The following GNB4 variants were observed in gnomAD, a reference collection of about 807,000 sequenced individuals.
GNB4 encodes G protein subunit beta 4.
In GNB4, 28 loss-of-function variants were observed where a neutral mutation model predicts 45.2. The observed-to-expected ratio is 0.62, with a 90% CI of 0.46 to 0.85. The LOEUF is 0.85. GNB4 is among the 40% of genes least tolerant of loss of function. The probability of loss-of-function intolerance (pLI) is 0.00; values close to 1 mark genes in which losing one functional copy is unlikely to be tolerated. For synonymous variants in GNB4, 132 were observed against 143.7 expected, an observed-to-expected ratio of 0.92 and a Z score of 0.58; for missense variants, 321 against 425.4, an observed-to-expected ratio of 0.75 and a Z score of 2.16.
the GNB4 span, among the ~76,000 whole-genome samples, chr3:179,521,141 C>T: frequency 1.1e-4 from 17 of 152,218 alleles, no homozygotes; most frequent in Admixed American, 1.1e-3. Flanking sequence ...TTGGTAGACA[C>T]AGGGTCTAAG....
chr3:179,430,645 T>C (rs184173520), intron 1 of GNB4, among the ~76,000 whole-genome samples: 2 of 140,884 alleles, frequency 1.4e-5, no homozygotes, highest in African/African-American at 2.7e-5. Context: ...TTTTGAGAAA[T>C]AGTGTCTTGC....
At chr3:179,524,864 G>T in the GNB4 span, among the ~76,000 whole-genome samples, 5 of 152,198 alleles carry the variant, frequency 3.3e-5, no homozygotes, top group East Asian at 1.9e-4. Flanking sequence ...TTGGGCAGGT[G>T]GGGGAGGGCT....
intron 8 of GNB4, among the ~76,000 whole-genome samples, chr3:179,410,171 T>G (rs1457348438): frequency 6.6e-6 from 1 of 152,222 alleles, no homozygotes; most frequent in East Asian, 1.9e-4. Flanking sequence ...CCTCTTCTCT[T>G]TATAAATTAC....
chr3:179,441,802 T>C (rs545972330), intron 1 of GNB4, among the ~76,000 whole-genome samples: 14 of 151,840 alleles, frequency 9.2e-5, no homozygotes, highest in Non-Finnish European at 1.5e-4. Context: ...GTCAACTCAC[T>C]GACTGAAACA....
chr3:179,465,157 C>A, the GNB4 span: 1 of 1,270,566 alleles, frequency 7.9e-7, no homozygotes, highest in Non-Finnish European at 1.1e-6. Flanking sequence ...AAGCAGCAGT[C>A]ACTGATATGG....
the GNB4 span, among the ~76,000 whole-genome samples, chr3:179,463,753 A>C: frequency 6.6e-6 from 1 of 152,226 alleles, no homozygotes; most frequent in Non-Finnish European, 1.5e-5. Flanking sequence ...AAATTGCTGG[A>C]GAATCAGGCA....
At chr3:179,519,089 G>T in the GNB4 span, among the ~76,000 whole-genome samples, 5 of 152,234 alleles carry the variant, frequency 3.3e-5, no homozygotes, top group Non-Finnish European at 7.4e-5. Flanking sequence ...CACCTAAACC[G>T]CAGTGGCCAG....
chr3:179,401,297 G>C lies in GNB4; in HGVS notation c.939C>G (p.Asn313Lys). ...DRAGVLAGHDNRVSCLGVTDD... is the reference protein window; with the variant it reads ...DRAGVLAGHDKRVSCLGVTDD... ...CAGTTACACCTAAGCAGCTCACACGGTTGTCATGACCAGCAAGGACACCTG... is the reference window on the plus strand; with the variant it reads ...CAGTTACACCTAAGCAGCTCACACGCTTGTCATGACCAGCAAGGACACCTG... Residue 313 changes from asparagine (N) to lysine (K), a missense_variant, in exon 10 of 10, where the codon AAC becomes AAG. Asn to Lys is a moderately conservative substitution (Grantham distance 94). Transcript: ENST00000232564. 1.2e-6 allele frequency: 2 copies of C among 1,612,034 alleles called. No homozygotes were observed. The highest frequency in any genetic ancestry group is 1.7e-6 in the Non-Finnish European group (2 of 1,179,056).
chr3:179,400,946 ACT>A lies in GNB4; in HGVS notation c.*265_*266del, dbSNP rs1714277981. On this transcript the variant is annotated 3_prime_UTR_variant, in exon 10 of 10. Transcript: ENST00000232564. ...ATTCTGTTCTACACAAAGAAAATAC[ACT>A]CTGAGTACACACAACAATTCACCAA... The A allele has an allele frequency of 6.4e-6, 2 of 314,944 alleles. No homozygotes were observed. Among genetic ancestry groups the A allele is most frequent in the South Asian group, 9.8e-5 (1 of 10,198 alleles). 19.5% of individuals were successfully genotyped at this position (314,944 alleles called of 1,614,324 possible).
intron 9 of GNB4, among the ~76,000 whole-genome samples, chr3:179,404,200 C>T (rs1057019957): frequency 6.6e-6 from 1 of 152,178 alleles, no homozygotes; most frequent in Non-Finnish European, 1.5e-5. Flanking sequence ...GGCTCAGCAG[C>T]AAATGACTTT....
At chr3:179,458,182 C>T in the GNB4 span, among the ~76,000 whole-genome samples, 10 of 152,146 alleles carry the variant, frequency 6.6e-5, no homozygotes, top group African/African-American at 1.9e-4. Flanking sequence ...GGATTACAGG[C>T]GTGAGCCACC....
At chr3:179,503,074 T>C in the GNB4 span, among the ~76,000 whole-genome samples, 2 of 152,220 alleles carry the variant, frequency 1.3e-5, no homozygotes, top group Admixed American at 1.3e-4. Context: ...CCTCAAGTGA[T>C]CCTCCCACCC....
chr3:179,440,599 A>AG (rs2108617238), intron 1 of GNB4, among the ~76,000 whole-genome samples: 1 of 152,288 alleles, frequency 6.6e-6, no homozygotes, highest in South Asian at 2.1e-4. Flanking sequence ...TTGACCAAGA[A>AG]GAAAAACAAG....
At chr3:179,419,545 A>G in intron 3 of GNB4, 40 bp from the exon 4 acceptor site, 2 of 1,204,082 alleles carry the variant, frequency 1.7e-6, no homozygotes, top group South Asian at 1.2e-5. Flanking sequence ...TACCTTAATC[A>G]TAGTTCATGA....
intron 1 of GNB4, among the ~76,000 whole-genome samples, chr3:179,439,130 G>A (rs566575815): frequency 6.6e-6 from 1 of 152,296 alleles, no homozygotes; most frequent in South Asian, 2.1e-4. Flanking sequence ...CCAGCAATCT[G>A]TGTTTTAGCA....
At chr3:179,464,589 C>T in the GNB4 span, 2 of 1,427,812 alleles carry the variant, frequency 1.4e-6, no homozygotes, top group Admixed American at 1.7e-5. Context: ...TTCTGCAAGT[C>T]ACTCCTACGT....
chr3:179,464,496 C>T, the GNB4 span: 3 of 1,611,452 alleles, frequency 1.9e-6, no homozygotes, highest in Non-Finnish European at 2.5e-6. Flanking sequence ...GCAGATCAAG[C>T]AGGAAGTGCG....
the GNB4 span, among the ~76,000 whole-genome samples, chr3:179,508,198 G>A: frequency 6.6e-6 from 1 of 152,100 alleles, no homozygotes; most frequent in Non-Finnish European, 1.5e-5. Flanking sequence ...TGTTGTCCAG[G>A]CTGGTCTCGA....
Position 179,445,848 on chromosome 3 carries a change from G to A in GNB4, c.-43+5498C>T, listed in dbSNP as rs558107512. Among the ~76,000 whole-genome samples the A allele has an allele frequency of 3.5e-4, 54 of 152,172 alleles. 1 individual carries two copies. The South Asian group carries it at 7.9e-3, about 22-fold the overall frequency. On this transcript the variant is annotated intron_variant, in intron 1 of 9. Coordinates refer to ENST00000232564, the MANE Select transcript of GNB4 (RefSeq NM_021629.4). ...GTGGGAGTTTGTCCTTACCCAGTAA[G>A]GTATACTACATTTCTTTTGTAATAA...
Sources: gnomAD v4.1 joint callset for allele counts (sites outside exome capture counted in the v4.1 genomes callset) on GRCh38, gnomAD v4.1.1 for gene constraint, MANE v1.5 for transcripts, NCBI Gene and HGNC (gene_info 2026-07-23, HGNC 2026-07-21) for gene names.